Variants in SQSTM1 observed in about 807,000 individuals in gnomAD.
SQSTM1 encodes the protein sequestosome-1.
Under a neutral mutation model 45.1 loss-of-function variants are expected in SQSTM1, and 36 were observed. The observed-to-expected ratio is 0.80, with a 90% confidence interval of 0.61 to 1.05. The LOEUF (loss-of-function observed/expected upper bound fraction) is 1.05, where lower values mean the gene tolerates loss of function less well. Ranked by LOEUF, SQSTM1 falls within the 50% of genes least tolerant of loss-of-function variation. The pLI is 0.00. For synonymous variants in SQSTM1, 290 were observed against 244.3 expected, an observed-to-expected ratio of 1.19 and a Z score of -1.74; for missense variants, 617 against 607.1, an observed-to-expected ratio of 1.02 and a Z score of -0.17.
upstream of SQSTM1, among the ~76,000 whole-genome samples, chr5:179,814,921 C>G (rs951030301): frequency 9.2e-5 from 14 of 152,166 alleles, no homozygotes; most frequent in Admixed American, 2.6e-4. Context: ...GACCTTGTCT[C>G]TAAAAATTAA....
At chr5:179,819,784 C>G (rs58225020), upstream of SQSTM1, among the ~76,000 whole-genome samples, 7,683 of 152,258 alleles carry the variant, frequency 0.05, 699 homozygotes, top group African/African-American at 0.18. Context: ...TTGCCCACTT[C>G]GGAGCCCTCC....
At chr5:179,819,010 C>T (rs1757668965), upstream of SQSTM1, 2 of 152,510 alleles carry the variant, frequency 1.3e-5, no homozygotes, top group African/African-American at 4.8e-5. Flanking sequence ...ACGGTGACCC[C>T]GGAGCCACTC....
upstream of SQSTM1, among the ~76,000 whole-genome samples, chr5:179,814,303 A>G (rs1177416293): frequency 6.6e-6 from 1 of 152,194 alleles, no homozygotes; most frequent in African/African-American, 2.4e-5. Flanking sequence ...GAATGGAGTT[A>G]GGAGAAGTAG....
At chr5:179,827,857 C>G (rs890853266) in intron 5 of SQSTM1, among the ~76,000 whole-genome samples, 3 of 152,186 alleles carry the variant, frequency 2.0e-5, no homozygotes, top group African/African-American at 7.2e-5. Context: ...GGGGAACGAA[C>G]GAGTCAACAG....
At chr5:179,821,493 C>T (rs1164698707) in intron 1 of SQSTM1, 2 of 529,270 alleles carry the variant, frequency 3.8e-6, no homozygotes, top group East Asian at 4.9e-5. Flanking sequence ...TCTGGCTCTC[C>T]GCGGGCACTG....
rs200300835 is a variant in SQSTM1, at chr5:179,837,682, T to C, written c.*1089T>C. ...GCCTGGGGTCCCTCTGAAGAGACCT[T>C]GGCTGCTCACTGTCCACATGTGAAC... On this transcript the variant is annotated 3_prime_UTR_variant, in exon 8 of 8. Coordinates refer to ENST00000389805, the MANE Select transcript of SQSTM1 (RefSeq NM_003900.5). 1 of 1,614,232 alleles carries C rather than the reference T, an allele frequency of 6.2e-7. No homozygotes were observed.
Position 179,823,839 on chromosome 5 carries a change from C to G in SQSTM1, c.302-19C>G. Reference sequence around the variant, plus strand: ...TTTAGGGGGTCCCACCCTAGCGGCTCTCTTTACCCTTCCTGTAGAGAAAAA... The same window carrying G: ...TTTAGGGGGTCCCACCCTAGCGGCTGTCTTTACCCTTCCTGTAGAGAAAAA... On this transcript the variant is annotated intron_variant, in intron 2 of 7. Transcript: ENST00000389805. 6.2e-7 allele frequency: 1 copy of G among 1,609,090 alleles called. No individual in the cohort carries two copies. The highest frequency in any genetic ancestry group is 8.5e-7 in the Non-Finnish European group (1 of 1,179,606).
rs755291116 is a variant in SQSTM1, at chr5:179,837,663, G to GGTCC, written c.*1071_*1074dup. ...GCCTGTGCTGGACCAGCTGGCCTGG[G>GGTCC]GTCCCTCTGAAGAGACCTTGGCTGC... On this transcript the variant is annotated 3_prime_UTR_variant, in exon 8 of 8. Coordinates refer to ENST00000389805, the MANE Select transcript of SQSTM1 (RefSeq NM_003900.5). The GGTCC allele has an allele frequency of 1.1e-5, 18 of 1,614,066 alleles. No individual in the cohort carries two copies. The African/African-American group carries it at 2.4e-4, about 22-fold the overall frequency.
At chr5:179,823,348 C>A (rs1039708567) in intron 2 of SQSTM1, among the ~76,000 whole-genome samples, 1 of 143,926 alleles carries the variant, frequency 6.9e-6, no homozygotes, top group African/African-American at 2.6e-5. Context: ...TGCTTCTAGT[C>A]CCAGCTACTC....
At chr5:179,814,155 G>C (rs552051479), upstream of SQSTM1, among the ~76,000 whole-genome samples, 11 of 152,104 alleles carry the variant, frequency 7.2e-5, no homozygotes, top group Non-Finnish European at 1.3e-4. Context: ...ATACAACTCC[G>C]TTTCTCTTGC....
rs766521434 is a variant in SQSTM1, at chr5:179,824,100, T to G, written c.531+13T>G. ...GCACCTGTCTGAGGTGAGCAGGCCCTCTGTGCAGGCCTGGGGTGGGCTCAG... is the reference window on the plus strand; with the variant it reads ...GCACCTGTCTGAGGTGAGCAGGCCCGCTGTGCAGGCCTGGGGTGGGCTCAG... On this transcript the variant is annotated intron_variant, in intron 3 of 7. Transcript: ENST00000389805. 2.5e-6 allele frequency: 4 copies of G among 1,613,776 alleles called. No individual in the cohort carries two copies. Among genetic ancestry groups the G allele is most frequent in the Non-Finnish European group, 2.5e-6 (3 of 1,180,028 alleles).
intron 7 of SQSTM1, 66 bp from the exon 8 acceptor site, chr5:179,836,370 G>A: frequency 6.2e-7 from 1 of 1,610,036 alleles, no homozygotes; most frequent in Non-Finnish European, 8.5e-7. Context: ...AGGCAGCAGG[G>A]TATGTGTTTC....
Position 179,836,723 on chromosome 5 carries a change from A to G in SQSTM1, c.*130A>G. On this transcript the variant is annotated 3_prime_UTR_variant, in exon 8 of 8. Coordinates refer to ENST00000389805, the MANE Select transcript of SQSTM1 (RefSeq NM_003900.5). ...CCAGGATCAGGGGTTAGGGTGCAAG[A>G]AGCCATTTAGGGCAGCAAAACAAGT... is the stretch of plus-strand genomic sequence containing the variant. The G allele has an allele frequency of 1.4e-6, 2 of 1,439,916 alleles. No individual in the cohort carries two copies. The highest frequency in any genetic ancestry group is 2.3e-5 in the South Asian group (2 of 87,492). 89.2% of individuals were successfully genotyped at this position (1,439,916 alleles called of 1,614,324 possible).
chr5:179,829,389 G>T (rs941370237), intron 5 of SQSTM1, among the ~76,000 whole-genome samples: 3 of 152,198 alleles, frequency 2.0e-5, no homozygotes, highest in Non-Finnish European at 4.4e-5. Flanking sequence ...CCCCACAGAA[G>T]GCTTCCTGTC....
At chr5:179,809,198 G>A (rs1301574116) in intron 1 of SQSTM1, among the ~76,000 whole-genome samples, 4 of 130,646 alleles carry the variant, frequency 3.1e-5, no homozygotes, top group Admixed American at 8.6e-5. Flanking sequence ...TCGGTCTGTC[G>A]CCCAGGTTGG....
chr5:179,835,125 A>G (rs915097263), intron 7 of SQSTM1: 241 of 209,950 alleles, frequency 1.1e-3, no homozygotes, highest in African/African-American at 5.6e-3. Flanking sequence ...CACATCCCAG[A>G]CAGGGCGGCG....
At position 179,824,322 on chromosome 5, in the gene SQSTM1, A is replaced by G. The variant is rs1227288391; in HGVS notation, c.672A>G (p.Ser224=). The G allele has an allele frequency of 3.1e-6, 5 of 1,613,454 alleles. No homozygotes were observed. The African/African-American group carries it at 6.7e-5, about 22-fold the overall frequency. Residue 224 remains serine (S), a splice_region_variant and synonymous_variant, in exon 4 of 8, where the codon TCA becomes TCG. Coordinates refer to ENST00000389805, the MANE Select transcript of SQSTM1 (RefSeq NM_003900.5). ...GEARPGPTAE[S]ASGPSEDPSV... is the part of the protein sequence containing the mutation. Reference sequence around the variant, plus strand: ...CCCGCCCTGGCCCCACGGCAGAATCAGGTGAGGCTTGTGTTGGAACCTGCT... The same window carrying G: ...CCCGCCCTGGCCCCACGGCAGAATCGGGTGAGGCTTGTGTTGGAACCTGCT...
At chr5:179,831,361 C>T (rs956568206) in intron 5 of SQSTM1, among the ~76,000 whole-genome samples, 41 of 152,144 alleles carry the variant, frequency 2.7e-4, no homozygotes, top group African/African-American at 9.4e-4. Context: ...GGAAAGTTAG[C>T]AAATGCAAAG....
chr5:179,824,143 C>T lies in SQSTM1; in HGVS notation c.532-39C>T, dbSNP rs373763215. On this transcript the variant is annotated intron_variant, in intron 3 of 7. Transcript: ENST00000389805. ...GGGCTCAGGGTGGCAGGAACCTTGA[C>T]CCGCTCACTGCCTGCCGCTCTGCTA... 7.1e-5 allele frequency: 114 copies of T among 1,613,540 alleles called. 1 individual carries two copies. In the African/African-American group the frequency reaches 1.4e-3, roughly 19 times the overall value.
Sources: gnomAD v4.1 joint callset for allele counts (sites outside exome capture counted in the v4.1 genomes callset) on GRCh38, gnomAD v4.1.1 for gene constraint, MANE v1.5 for transcripts, NCBI Gene and HGNC (gene_info 2026-07-23, HGNC 2026-07-21) for gene names.